PHACTR1: variants seen among roughly 807,000 people sequenced by gnomAD.
PHACTR1 encodes phosphatase and actin regulator 1, also known as RPEL repeat containing 1.
In PHACTR1, 16 loss-of-function variants were observed where a neutral mutation model predicts 69.2. The ratio of observed to expected loss-of-function variants is 0.23; its 90% confidence interval spans 0.16 to 0.35. PHACTR1 has a LOEUF of 0.35. Among genes scored for constraint, PHACTR1 ranks in the 10% least tolerant of loss-of-function variants. PHACTR1 has a pLI of 1.00. For synonymous variants in PHACTR1, 312 were observed against 284.5 expected (o/e 1.10, Z -0.97); for missense variants, 510 against 734.7 (o/e 0.69, Z 3.54).
At chr6:12,946,589 A>G (rs1264442478) in intron 4 of PHACTR1, among the ~76,000 whole-genome samples, 1 of 152,190 alleles carries the variant, frequency 6.6e-6, no homozygotes, top group Non-Finnish European at 1.5e-5. Flanking sequence ...AAGTAAGGCC[A>G]AAAAATGGCT....
In PHACTR1 at chr6:12,806,309, A is replaced by G. The variant is rs564507045; in HGVS notation, c.250+56519A>G. On this transcript the variant is annotated intron_variant, in intron 4 of 14. Transcript: ENST00000332995. The stretch of plus-strand genomic sequence containing the variant: ...ATCTTTGTCATCACACGGACTTTCA[A>G]TCTGGAAGAAAACGTTCATTTCTCT... Among the ~76,000 whole-genome samples, 131 of 152,278 alleles carry G rather than the reference A, an allele frequency of 8.6e-4. 1 individual carries two copies. Among genetic ancestry groups the G allele is most frequent in the Non-Finnish European group, 1.6e-3 (108 of 68,036 alleles).
At position 13,206,066 on chromosome 6, in the gene PHACTR1, C is replaced by T; in HGVS notation, c.916C>T (p.His306Tyr). ...LPSTTGSLPMHPSGCRMIDEL... is the reference protein window; with the variant it reads ...LPSTTGSLPMYPSGCRMIDEL... ...CTCCACCACCGGCTCCCTCCCCATG[C>T]ACCCCTCGGGCTGCAGAATGATAGA... The change falls in exon 8 of 15, where the codon CAC becomes TAC. Residue 306 changes from histidine to tyrosine, a missense_variant. Coordinates refer to ENST00000332995, the MANE Select transcript of PHACTR1 (RefSeq NM_030948.6). 5 of 1,613,692 alleles carry T rather than the reference C, an allele frequency of 3.1e-6. No homozygotes were observed. The highest frequency in any genetic ancestry group is 3.4e-6 in the Non-Finnish European group (4 of 1,179,798).
chr6:13,020,943 C>G (rs1001981312), intron 4 of PHACTR1, among the ~76,000 whole-genome samples: 1 of 152,048 alleles, frequency 6.6e-6, no homozygotes, highest in African/African-American at 2.4e-5. Flanking sequence ...CACTAAGGAG[C>G]TGGGACTTGC....
intron 4 of PHACTR1, among the ~76,000 whole-genome samples, chr6:13,042,911 G>A (rs1804409616): frequency 1.3e-5 from 2 of 152,220 alleles, no homozygotes; most frequent in Admixed American, 6.5e-5. Flanking sequence ...GAATTTGTTA[G>A]AACCCTTTTA....
At chr6:13,099,756 C>T (rs1011510603) in intron 5 of PHACTR1, among the ~76,000 whole-genome samples, 3 of 152,186 alleles carry the variant, frequency 2.0e-5, no homozygotes, top group African/African-American at 7.2e-5. Flanking sequence ...GATATTAATG[C>T]ATAAACACAC....
At position 13,218,868 on chromosome 6, in the gene PHACTR1, G is replaced by GGAGGAGGA. The variant is rs1584011093; in HGVS notation, c.987-8948_987-8947insGAGGAGGA. Among the ~76,000 whole-genome samples the GGAGGAGGA allele has an allele frequency of 1.2e-3, 12 of 10,142 alleles. No homozygotes were observed. In the South Asian group the frequency reaches 0.031, roughly 26 times the overall value. The allele number at this position is 10,142 out of a possible 152,430, so 6.7% of individuals were successfully genotyped here. On this transcript the variant is annotated intron_variant, in intron 8 of 14. Coordinates refer to ENST00000332995, the MANE Select transcript of PHACTR1 (RefSeq NM_030948.6). Reference sequence around the variant, plus strand: ...GAGGAGGAGGAAAGAGAAGAGAAGAGAAGAGAAGAGAAGAGAAGAGAAGAG... The same window carrying GGAGGAGGA: ...GAGGAGGAGGAAAGAGAAGAGAAGAGGAGGAGGAAAGAGAAGAGAAGAGAAGAGAAGAG...
chr6:13,151,425 C>T (rs1380320992), intron 5 of PHACTR1, among the ~76,000 whole-genome samples: 1 of 152,150 alleles, frequency 6.6e-6, no homozygotes, highest in Non-Finnish European at 1.5e-5. Flanking sequence ...GTACTGGGAG[C>T]ACATAGAAAA....
intron 4 of PHACTR1, among the ~76,000 whole-genome samples, chr6:12,922,792 C>G (rs1787863358): frequency 6.6e-6 from 1 of 152,152 alleles, no homozygotes; most frequent in African/African-American, 2.4e-5. Context: ...AAGAAATTAT[C>G]TGCAGCTCTG....
chr6:13,272,185 A>G (rs965320835), intron 10 of PHACTR1: 1 of 152,308 alleles, frequency 6.6e-6, no homozygotes, highest in African/African-American at 2.4e-5. Flanking sequence ...TTCTGTCACT[A>G]CGTGCCATCC....
At chr6:12,870,557 C>T (rs935090660) in intron 4 of PHACTR1, among the ~76,000 whole-genome samples, 1 of 152,226 alleles carries the variant, frequency 6.6e-6, no homozygotes, top group African/African-American at 2.4e-5. Flanking sequence ...TTTGAAGGGT[C>T]TGTGTCTCTA....
chr6:12,754,003 C>A (rs1303553302), intron 4 of PHACTR1, among the ~76,000 whole-genome samples: 1 of 147,964 alleles, frequency 6.8e-6, no homozygotes, highest in Non-Finnish European at 1.5e-5. Context: ...CACTCTGTCA[C>A]CCAGGCTGGA....
intron 4 of PHACTR1, among the ~76,000 whole-genome samples, chr6:13,003,702 A>G (rs1017763538): frequency 4.6e-5 from 7 of 151,720 alleles, no homozygotes; most frequent in African/African-American, 1.7e-4. Context: ...AGTACATAGT[A>G]CCCACTAAAT....
At chr6:12,898,150 G>T (rs114163824) in intron 4 of PHACTR1, among the ~76,000 whole-genome samples, 118 of 151,948 alleles carry the variant, frequency 7.8e-4, no homozygotes, top group African/African-American at 2.7e-3. Context: ...ATTCTCTTAG[G>T]GTTTCTCTTT....
intron 5 of PHACTR1, among the ~76,000 whole-genome samples, chr6:13,101,549 T>C (rs1478475144): frequency 1.3e-5 from 2 of 152,164 alleles, no homozygotes; most frequent in Admixed American, 6.5e-5. Flanking sequence ...GCAATAAACC[T>C]GTGTTGTAAG....
intron 4 of PHACTR1, among the ~76,000 whole-genome samples, chr6:12,814,269 G>A (rs1414414989): frequency 1.3e-5 from 2 of 152,108 alleles, no homozygotes; most frequent in Admixed American, 1.3e-4. Context: ...CAAAGATCAG[G>A]GTTCTCCAGT....
At chr6:12,813,976 T>C (rs911006370) in intron 4 of PHACTR1, among the ~76,000 whole-genome samples, 7 of 152,324 alleles carry the variant, frequency 4.6e-5, no homozygotes, top group Admixed American at 2.6e-4. Flanking sequence ...TTAAGAAGCA[T>C]CAGTTCAGTG....
chr6:13,076,025 ATC>A lies in PHACTR1; in HGVS notation c.415+22498_415+22499del, dbSNP rs751055289. On this transcript the variant is annotated intron_variant, in intron 5 of 14. Coordinates refer to ENST00000332995, the MANE Select transcript of PHACTR1 (RefSeq NM_030948.6). ...TTTGAAAAAAACAATGCAAGGGAGC[ATC>A]TTTTTTTTTTTTTTTTCTGGTTGGC... is the stretch of plus-strand genomic sequence containing the variant. Among the ~76,000 whole-genome samples, 683 of 115,526 alleles carry A rather than the reference ATC, an allele frequency of 5.9e-3. 15 individuals are homozygous for A. The highest frequency in any genetic ancestry group is 0.014 in the East Asian group (47 of 3,264). 75.8% of individuals were successfully genotyped at this position (115,526 alleles called of 152,430 possible).
chr6:13,100,846 TAA>T (rs768046991), intron 5 of PHACTR1, among the ~76,000 whole-genome samples: 11 of 152,130 alleles, frequency 7.2e-5, no homozygotes, highest in Admixed American at 2.6e-4. Flanking sequence ...AAGGAAAGGG[TAA>T]AGAGAAGAGG....
At chr6:13,079,893 G>T (rs1811104553) in intron 5 of PHACTR1, among the ~76,000 whole-genome samples, 2 of 152,004 alleles carry the variant, frequency 1.3e-5, no homozygotes, top group Admixed American at 1.3e-4. Flanking sequence ...ATGTGTCCTA[G>T]GCTAGACCAC....
Sources: gnomAD v4.1 joint callset for allele counts (sites outside exome capture counted in the v4.1 genomes callset) on GRCh38, gnomAD v4.1.1 for gene constraint, MANE v1.5 for transcripts, NCBI Gene and HGNC (gene_info 2026-07-23, HGNC 2026-07-21) for gene names.